JMJD1C: variants seen among roughly 807,000 people sequenced by gnomAD.
JMJD1C encodes jumonji domain-containing protein 1C.
JMJD1C carries 31 observed loss-of-function variants against 245.3 expected under a neutral mutation model. That is an observed-to-expected ratio of 0.13 (90% CI 0.09 to 0.17). The LOEUF (loss-of-function observed/expected upper bound fraction) is 0.17, where lower values mean the gene tolerates loss of function less well. Ranked by LOEUF, JMJD1C falls within the 10% of genes least tolerant of loss-of-function variation. JMJD1C has a pLI of 1.00. For synonymous variants in JMJD1C, 1,057 were observed against 1,017.4 expected, an observed-to-expected ratio of 1.04 and a Z score of -0.74; for missense variants, 2,691 against 3,000.2, an observed-to-expected ratio of 0.90 and a Z score of 2.41.
intron 2 of JMJD1C, among the ~76,000 whole-genome samples, chr10:63,363,387 T>C (rs995094946): frequency 6.6e-6 from 1 of 151,116 alleles, no homozygotes; most frequent in Non-Finnish European, 1.5e-5. Context: ...GCCTCCCGAG[T>C]AGCTGGGATT....
In JMJD1C at chr10:63,207,131, G is replaced by A; in HGVS notation, c.4538C>T (p.Ser1513Leu). 1.2e-6 allele frequency: 2 copies of A among 1,614,186 alleles called. No individual in the cohort carries two copies. The highest frequency in any genetic ancestry group is 2.2e-5 in the South Asian group (2 of 91,074). Reference sequence around the variant, plus strand: ...AGTGCTATCCAGAGGAAGGGAGGCTGAAAGTGTCTGATTTTTTATAGCATT... The same window carrying A: ...AGTGCTATCCAGAGGAAGGGAGGCTAAAAGTGTCTGATTTTTTATAGCATT... ...EPNAIKNQTL[S>L]ASLPLDSTVI... The change falls in exon 10 of 26, where the codon TCA becomes TTA. Residue 1513 changes from serine (S) to leucine (L), a missense_variant. By Grantham distance (145) the Ser-to-Leu change is moderately radical (BLOSUM62 -2). Transcript: ENST00000399262.
intron 23 of JMJD1C, chr10:63,177,055 T>C (rs1353673596): frequency 6.6e-6 from 1 of 152,656 alleles, no homozygotes; most frequent in Non-Finnish European, 1.5e-5. Context: ...GTAACTCTTT[T>C]ACTTCACATT....
chr10:63,430,868 C>T (rs745540040), intron 1 of JMJD1C, among the ~76,000 whole-genome samples: 4 of 152,250 alleles, frequency 2.6e-5, no homozygotes, highest in Admixed American at 2.6e-4. Context: ...CTCAGCTTCC[C>T]GAGTAGCTGG....
At chr10:63,362,420 T>A (rs527786444) in intron 2 of JMJD1C, among the ~76,000 whole-genome samples, 1 of 151,936 alleles carries the variant, frequency 6.6e-6, no homozygotes, top group Non-Finnish European at 1.5e-5. Flanking sequence ...GGCAAAAACT[T>A]AGTTGTAAAT....
intron 1 of JMJD1C, among the ~76,000 whole-genome samples, chr10:63,454,047 AT>A (rs1952243198): frequency 6.6e-6 from 1 of 151,738 alleles, no homozygotes. Flanking sequence ...TATCATCCCA[AT>A]TTTTTTCTAC....
chr10:63,418,141 C>A (rs566721705), intron 1 of JMJD1C, among the ~76,000 whole-genome samples: 3 of 152,062 alleles, frequency 2.0e-5, no homozygotes, highest in Non-Finnish European at 4.4e-5. Context: ...TGCATCAGAA[C>A]CTAATTGAGG....
At chr10:63,186,884 A>G (rs1302672518) in intron 18 of JMJD1C, among the ~76,000 whole-genome samples, 1 of 152,190 alleles carries the variant, frequency 6.6e-6, no homozygotes, top group African/African-American at 2.4e-5. Context: ...CTATGACTTA[A>G]AAGTTTCTGA....
chr10:63,335,405 C>G (rs947755764), intron 2 of JMJD1C, among the ~76,000 whole-genome samples: 1 of 152,194 alleles, frequency 6.6e-6, no homozygotes, highest in Non-Finnish European at 1.5e-5. Context: ...AGTTAAAAAG[C>G]TAAATATTCC....
At chr10:63,260,526 G>C (rs560049976) in intron 3 of JMJD1C, among the ~76,000 whole-genome samples, 1 of 151,632 alleles carries the variant, frequency 6.6e-6, no homozygotes, top group Non-Finnish European at 1.5e-5. Flanking sequence ...AAGTTTTTTT[G>C]AACTTCTATA....
At chr10:63,259,606 G>A (rs1380917161) in intron 3 of JMJD1C, among the ~76,000 whole-genome samples, 1 of 152,106 alleles carries the variant, frequency 6.6e-6, no homozygotes. Context: ...GATTCAAACT[G>A]GAAAAACTAT....
At chr10:63,203,825 TC>T in intron 10 of JMJD1C, 1 of 976,622 alleles carries the variant, frequency 1.0e-6, no homozygotes, top group Non-Finnish European at 1.2e-6. Context: ...GTGTATGTAA[TC>T]ATATTACATA....
intron 2 of JMJD1C, among the ~76,000 whole-genome samples, chr10:63,334,822 C>CG: frequency 6.6e-6 from 1 of 152,096 alleles, no homozygotes; most frequent in Non-Finnish European, 1.5e-5. Context: ...GACTCTCAGG[C>CG]CTCAGCCTCC....
intron 1 of JMJD1C, among the ~76,000 whole-genome samples, chr10:63,508,451 T>C (rs973040103): frequency 6.6e-6 from 1 of 152,184 alleles, no homozygotes; most frequent in African/African-American, 2.4e-5. Flanking sequence ...TAATATTGTG[T>C]TGACTGTTCT....
At chr10:63,390,813 T>G (rs1319425723) in intron 1 of JMJD1C, among the ~76,000 whole-genome samples, 1 of 152,016 alleles carries the variant, frequency 6.6e-6, no homozygotes, top group Non-Finnish European at 1.5e-5. Context: ...TAATAAAAAC[T>G]CTCAACATTC....
At chr10:63,444,564 G>A (rs188182901) in intron 1 of JMJD1C, among the ~76,000 whole-genome samples, 46 of 151,718 alleles carry the variant, frequency 3.0e-4, no homozygotes, top group East Asian at 2.5e-3. Context: ...GTGCGCCTCC[G>A]TACCCGGTGG....
chr10:63,207,275 C>T lies in JMJD1C; in HGVS notation c.4394G>A (p.Ser1465Asn), dbSNP rs1444032255. 1 of 1,613,752 alleles carries T rather than the reference C, an allele frequency of 6.2e-7. No homozygotes were observed. Among genetic ancestry groups the T allele is most frequent in the Non-Finnish European group, 8.5e-7 (1 of 1,180,048 alleles). The part of the protein sequence containing the change: ...PVTLASSKTG[S>N]VVQPSSGFSG... ...GAACCCAGAACTGGGTTGAACAACA[C>T]TTCCTGTCTTACTACTGGCTAATGT... The change falls in exon 10 of 26, where the codon AGT (serine) becomes AAT (asparagine). Residue 1465 changes from serine (S) to asparagine (N), a missense_variant. This residue lies in a region of JMJD1C where 1,562 missense variants were observed against 1,490.7 expected (regional missense o/e 1.05). Coordinates refer to ENST00000399262, the MANE Select transcript of JMJD1C (RefSeq NM_032776.3).
chr10:63,215,524 C>G, intron 6 of JMJD1C, 29 bp downstream of exon 6: 3 of 1,607,086 alleles, frequency 1.9e-6, no homozygotes, highest in Non-Finnish European at 2.6e-6. Flanking sequence ...AAATATTTTA[C>G]AGAAATTCAT....
In JMJD1C at chr10:63,207,928, T is replaced by A. The variant is rs150646202; in HGVS notation, c.3741A>T (p.Ser1247=). Reference sequence around the variant, plus strand: ...CGGGTATTAGAGTTGGAGGCTTCTGTGATTCTTGAACTTTACCACCAGCAT... The same window carrying A: ...CGGGTATTAGAGTTGGAGGCTTCTGAGATTCTTGAACTTTACCACCAGCAT... ...PVNAGGKVQE[S]QKPPTLIPEP... is the part of the protein sequence containing the mutation. Residue 1247 remains serine, a synonymous_variant, in exon 10 of 26, where the codon TCA becomes TCT. Coordinates refer to ENST00000399262, the MANE Select transcript of JMJD1C (RefSeq NM_032776.3). The A allele has an allele frequency of 4.0e-5, 64 of 1,614,180 alleles. 1 individual carries two copies. The Admixed American group carries it at 8.8e-4, about 22-fold the overall frequency.
intron 3 of JMJD1C, among the ~76,000 whole-genome samples, chr10:63,250,178 C>A (rs1346942122): frequency 1.3e-5 from 2 of 151,892 alleles, no homozygotes; most frequent in East Asian, 3.9e-4. Context: ...ATTAGCCATG[C>A]CTGGCTGATT....
Sources: gnomAD v4.1 joint callset for allele counts (sites outside exome capture counted in the v4.1 genomes callset) on GRCh38, gnomAD v4.1.1 for gene constraint, gnomAD v4.1.1 regional missense constraint, MANE v1.5 for transcripts, NCBI Gene and HGNC (gene_info 2026-07-23, HGNC 2026-07-21) for gene names.